The following NAV1 variants were observed in gnomAD, a reference collection of about 807,000 sequenced individuals.
NAV1 encodes the protein neuron navigator 1, also known as pore membrane and/or filament interacting like protein 3.
NAV1 carries 18 observed loss-of-function variants against 175.2 expected under a neutral mutation model. That is an observed-to-expected ratio of 0.10 (90% confidence interval 0.07 to 0.15). NAV1 has a LOEUF of 0.15. NAV1 is among the 10% of genes least tolerant of loss of function. NAV1 has a pLI of 1.00. For missense variants in NAV1, 1,731 were observed against 2,436.6 expected (o/e 0.71, Z 6.10); for synonymous variants, 897 against 978.7 (o/e 0.92, Z 1.56).
At chr1:201,638,153 T>C (rs1378712614) in intron 2 of NAV1, among the ~76,000 whole-genome samples, 1 of 152,134 alleles carries the variant, frequency 6.6e-6, no homozygotes, top group Admixed American at 6.5e-5. Context: ...GCATATATTC[T>C]CTTAAGGCCA....
At chr1:201,761,904 G>C (rs1169706444) in intron 3 of NAV1, among the ~76,000 whole-genome samples, 1 of 152,018 alleles carries the variant, frequency 6.6e-6, no homozygotes, top group Admixed American at 6.6e-5. Flanking sequence ...TGTAATCCTA[G>C]CACTTTGGTA....
rs1678722681 is a variant in NAV1 at position 201,812,011 on chromosome 1, AC to A, written c.5024+40del. Reference sequence around the variant, plus strand: ...AGCTCTGGATGAACCTTCTGACCCTACCCAAGAGTCTTCAATCCTGGACTCT... The same window carrying A: ...AGCTCTGGATGAACCTTCTGACCCTACCAAGAGTCTTCAATCCTGGACTCT... On this transcript the variant is annotated intron_variant, in intron 26 of 29. Transcript: ENST00000367296. This position sits in a 1 kb window ranked among gnomAD's most constrained non-coding sequence, Gnocchi z 4.6. 3 of 1,587,958 alleles carry A rather than the reference AC, an allele frequency of 1.9e-6. No homozygotes were observed. The East Asian group carries it at 6.7e-5, about 36-fold the overall frequency.
intron 1 of NAV1, among the ~76,000 whole-genome samples, chr1:201,670,076 C>G (rs12130213): frequency 2.4e-4 from 36 of 151,748 alleles, no homozygotes; most frequent in Middle Eastern, 3.4e-3. Flanking sequence ...CTTTAGTTTT[C>G]TAATAGGGAT....
intron 2 of NAV1, among the ~76,000 whole-genome samples, chr1:201,608,622 G>A (rs1667759767): frequency 6.6e-6 from 1 of 152,226 alleles, no homozygotes; most frequent in African/African-American, 2.4e-5. Context: ...TCTCCCATAA[G>A]CTCACCTGTC....
intron 3 of NAV1, among the ~76,000 whole-genome samples, chr1:201,735,452 G>A (rs562898445): frequency 6.6e-6 from 1 of 152,200 alleles, no homozygotes; most frequent in African/African-American, 2.4e-5. Context: ...CCTGGAGGTT[G>A]AGGAGGAAAG....
intron 1 of NAV1, among the ~76,000 whole-genome samples, chr1:201,546,983 C>T (rs1314682217): frequency 6.9e-6 from 1 of 144,916 alleles, no homozygotes; most frequent in East Asian, 2.2e-4. Context: ...TTCCAAAGAA[C>T]AAGGACATTT....
Position 201,701,009 on chromosome 1 carries a change from C to CAAAAA in NAV1, c.758-11789_758-11785dup, listed in dbSNP as rs386369321. 9.0e-3 allele frequency among the ~76,000 whole-genome samples: 473 copies of CAAAAA among 52,620 alleles called. 41 individuals carry two copies. Among genetic ancestry groups the CAAAAA allele is most frequent in the African/African-American group, 0.03 (340 of 11,392 alleles). 34.5% of individuals were successfully genotyped at this position (52,620 alleles called of 152,430 possible). A position where few individuals can be genotyped will look rare whatever the true frequency, so the allele number is the denominator to read the frequency against. ...CTGGGGACAGAGTGAGACTCTGTCT[C>CAAAAA]AAAAAAAAAAAAAAAAAAAAAAAGA... On this transcript the variant is annotated intron_variant, in intron 1 of 29. Coordinates refer to ENST00000367296, the Ensembl canonical transcript of NAV1.
At chr1:201,804,064 T>C (rs910999697) in intron 16 of NAV1, 2 of 486,580 alleles carry the variant, frequency 4.1e-6, no homozygotes, top group African/African-American at 3.9e-5. Flanking sequence ...TTCTATACTA[T>C]GGAGAGATTT....
At chr1:201,602,398 G>A (rs1299318812) in intron 2 of NAV1, among the ~76,000 whole-genome samples, 1 of 152,160 alleles carries the variant, frequency 6.6e-6, no homozygotes, top group Non-Finnish European at 1.5e-5. Flanking sequence ...CGGGAGTACA[G>A]TGGCGCGGTC....
At chr1:201,637,886 T>C (rs897326983) in intron 2 of NAV1, among the ~76,000 whole-genome samples, 4 of 152,144 alleles carry the variant, frequency 2.6e-5, no homozygotes, top group Non-Finnish European at 5.9e-5. Context: ...CAGTGTGCAA[T>C]ATCCACCCCA....
intron 3 of NAV1, among the ~76,000 whole-genome samples, chr1:201,766,672 G>A (rs952565590): frequency 9.9e-5 from 15 of 152,094 alleles, no homozygotes; most frequent in Admixed American, 6.5e-5. Flanking sequence ...ACTGCAAACC[G>A]TAGCTTTCTC....
chr1:201,759,634 G>A (rs1313243390), intron 3 of NAV1, among the ~76,000 whole-genome samples: 1 of 152,136 alleles, frequency 6.6e-6, no homozygotes, highest in African/African-American at 2.4e-5. Flanking sequence ...GACTGGATGG[G>A]TATAAGTAAT....
rs547684052 is a variant in NAV1, at chr1:201,586,838, C to T, written c.-143-1701C>T. On this transcript the variant is annotated intron_variant, in intron 1 of 33. Coordinates refer to the NAV1 transcript ENST00000685211. ...CTATAGGTTATGTGGGTTAGACCTT[C>T]AAAACACAAATTTGGAGGGTGTGAG... 8.5e-5 allele frequency among the ~76,000 whole-genome samples: 13 copies of T among 152,328 alleles called. 1 individual carries two copies. The highest frequency in any genetic ancestry group is 4.1e-4 in the South Asian group (2 of 4,828).
intron 1 of NAV1, among the ~76,000 whole-genome samples, chr1:201,709,670 T>TG (rs1247677952): frequency 1.3e-5 from 2 of 152,196 alleles, no homozygotes; most frequent in Non-Finnish European, 2.9e-5. Flanking sequence ...GGGCCACTGC[T>TG]GGGGCACAGA....
chr1:201,736,723 C>T (rs979364995), intron 3 of NAV1, among the ~76,000 whole-genome samples: 4 of 152,130 alleles, frequency 2.6e-5, no homozygotes, highest in Non-Finnish European at 4.4e-5. Context: ...AGTGCTGGCA[C>T]GGGAGACAAA....
exon 1 of NAV1, chr1:201,648,993 C>A (rs1669082958): frequency 1.2e-6 from 2 of 1,613,410 alleles, no homozygotes; most frequent in Middle Eastern, 1.6e-4. Flanking sequence ...GCTTTATGAG[C>A]CCGAATGGAG....
chr1:201,795,048 G>C (rs1466064163), intron 15 of NAV1: 1 of 155,024 alleles, frequency 6.5e-6, no homozygotes, highest in Non-Finnish European at 1.4e-5. Context: ...CTTTGCTACA[G>C]AAGTCAAGAT....
intron 1 of NAV1, among the ~76,000 whole-genome samples, chr1:201,624,820 A>G (rs1309861126): frequency 6.6e-6 from 1 of 151,892 alleles, no homozygotes; most frequent in Non-Finnish European, 1.5e-5. Context: ...GGAAGGAGAA[A>G]CTCTCACTTA....
At chr1:201,646,063 C>T (rs903702669), upstream of NAV1, among the ~76,000 whole-genome samples, 1 of 152,210 alleles carries the variant, frequency 6.6e-6, no homozygotes, top group African/African-American at 2.4e-5. Flanking sequence ...CTTGCTTGAG[C>T]TGGGACCTCA....
Sources: gnomAD v4.1 joint callset for allele counts (sites outside exome capture counted in the v4.1 genomes callset) on GRCh38, gnomAD v4.1.1 for gene constraint, Gnocchi (gnomAD v3.1) non-coding constraint, MANE v1.5 for transcripts, NCBI Gene and HGNC (gene_info 2026-07-23, HGNC 2026-07-21) for gene names.